Variants in KANSL3 observed in about 807,000 individuals in gnomAD.
The protein encoded by KANSL3 is KAT8 regulatory NSL complex subunit 3.
KANSL3 carries 16 observed loss-of-function variants against 89.2 expected under a neutral mutation model. That is an observed-to-expected ratio of 0.18 (90% confidence interval 0.12 to 0.27). KANSL3 has a LOEUF of 0.27. Ranked by LOEUF, KANSL3 falls within the 10% of genes least tolerant of loss-of-function variation. The pLI is 1.00. For synonymous variants in KANSL3, 385 were observed against 419.7 expected (o/e 0.92, Z 1.01); for missense variants, 879 against 1,110.6 (o/e 0.79, Z 2.96).
chr2:96,610,517 G>A (rs537591847), intron 11 of KANSL3: 17 of 435,560 alleles, frequency 3.9e-5, no homozygotes, highest in Non-Finnish European at 5.5e-5. Context: ...GGGTTTCACC[G>A]TGTTAGCCAG....
chr2:96,622,161 C>A (rs747811410), intron 3 of KANSL3, among the ~76,000 whole-genome samples: 1 of 150,984 alleles, frequency 6.6e-6, no homozygotes, highest in African/African-American at 2.4e-5. Flanking sequence ...AAGTGGCTCA[C>A]GCCTATAATC....
intron 15 of KANSL3, among the ~76,000 whole-genome samples, chr2:96,605,109 T>C (rs535802657): frequency 1.3e-5 from 2 of 152,376 alleles, no homozygotes; most frequent in African/African-American, 2.4e-5. Flanking sequence ...CTTTGAACGA[T>C]GGCACAGCTT....
At chr2:96,584,740 T>C in the KANSL3 span, among the ~76,000 whole-genome samples, 1 of 152,204 alleles carries the variant, frequency 6.6e-6, no homozygotes, top group African/African-American at 2.4e-5. Context: ...TGTATATATA[T>C]ATCCCATTTT....
intron 3 of KANSL3, among the ~76,000 whole-genome samples, chr2:96,625,820 T>C (rs1354262873): frequency 6.6e-6 from 1 of 151,954 alleles, no homozygotes; most frequent in Non-Finnish European, 1.5e-5. Context: ...AGAAAAAAAA[T>C]GATCTAAACC....
chr2:96,628,227 G>A (rs1056895110), intron 3 of KANSL3: 1 of 1,232,244 alleles, frequency 8.1e-7, no homozygotes, highest in Non-Finnish European at 1.0e-6. Context: ...TGTGCCTCCT[G>A]TGTAGACTCT....
In KANSL3 at chr2:96,609,639, T is replaced by C. The variant is rs566692042; in HGVS notation, c.1320-77A>G. The stretch of plus-strand genomic sequence containing the variant: ...CTATGAAAATAAGAACGTATTTCTT[T>C]TCTGGGTTGTTTATTTTCTAGCCCC... On this transcript the variant is annotated intron_variant, in intron 11 of 20. Coordinates refer to ENST00000431828, the MANE Select transcript of KANSL3 (RefSeq NM_001115016.3). The C allele has an allele frequency of 3.1e-5, 42 of 1,370,654 alleles. No homozygotes were observed. In the East Asian group the frequency reaches 8.9e-4, roughly 29 times the overall value. 84.9% of individuals were successfully genotyped at this position (1,370,654 alleles called of 1,614,324 possible). A position where few individuals can be genotyped will look rare whatever the true frequency, so the allele number is the denominator to read the frequency against.
chr2:96,601,482 C>T (rs755460786), intron 20 of KANSL3, 161 bp downstream of exon 20: 8 of 1,380,374 alleles, frequency 5.8e-6, no homozygotes, highest in Middle Eastern at 2.5e-4. Context: ...GTCCATGATT[C>T]GCTCAATATT....
intron 3 of KANSL3, among the ~76,000 whole-genome samples, chr2:96,626,906 T>C (rs536987409): frequency 1.1e-4 from 17 of 152,246 alleles, no homozygotes; most frequent in Non-Finnish European, 1.3e-4. Context: ...TTCAATTTTG[T>C]GGCTTTACTG....
intron 16 of KANSL3, 103 bp downstream of exon 16, chr2:96,604,676 C>T (rs572678875): frequency 3.6e-6 from 4 of 1,103,122 alleles, no homozygotes; most frequent in Non-Finnish European, 5.3e-6. Flanking sequence ...ATTTCCAAAA[C>T]TGACAAGAAT....
At chr2:96,591,565 CAT>C (rs769908786), downstream of KANSL3, among the ~76,000 whole-genome samples, 3 of 152,218 alleles carry the variant, frequency 2.0e-5, no homozygotes, top group Non-Finnish European at 4.4e-5. Flanking sequence ...TAAAAACACA[CAT>C]ATCTAACAGT....
intron 2 of KANSL3, among the ~76,000 whole-genome samples, chr2:96,633,503 A>T (rs1244471268): frequency 6.6e-6 from 1 of 150,594 alleles, no homozygotes; most frequent in African/African-American, 2.4e-5. Flanking sequence ...CGGGAGACGG[A>T]GGTTGCAGTG....
chr2:96,634,153 G>A (rs1405277763), intron 2 of KANSL3: 1 of 152,194 alleles, frequency 6.6e-6, no homozygotes, highest in African/African-American at 2.4e-5. Context: ...ACATACCTTA[G>A]CTACTTAGCT....
At chr2:96,586,385 A>G in the KANSL3 span, among the ~76,000 whole-genome samples, 1 of 152,124 alleles carries the variant, frequency 6.6e-6, no homozygotes, top group Non-Finnish European at 1.5e-5. Flanking sequence ...GTAACCAAAA[A>G]CCACCTCTTC....
intron 14 of KANSL3, chr2:96,607,043 CTG>C: frequency 7.8e-7 from 1 of 1,288,732 alleles, no homozygotes; most frequent in Non-Finnish European, 1.0e-6. Context: ...AAGCAGCAAA[CTG>C]TGCTGGAATG....
intron 3 of KANSL3, among the ~76,000 whole-genome samples, chr2:96,629,099 G>A (rs2072914460): frequency 6.6e-6 from 1 of 152,262 alleles, no homozygotes; most frequent in African/African-American, 2.4e-5. Context: ...TCATTGGGAG[G>A]ATTAAGAGAC....
intron 2 of KANSL3, among the ~76,000 whole-genome samples, chr2:96,632,699 A>G (rs1005271721): frequency 1.3e-5 from 2 of 152,168 alleles, no homozygotes; most frequent in Non-Finnish European, 2.9e-5. Flanking sequence ...ATACTGTTCA[A>G]TACAGTAGGT....
intron 9 of KANSL3, 133 bp from the exon 10 acceptor site, chr2:96,611,271 T>G (rs1305782436): frequency 4.3e-6 from 3 of 705,872 alleles, no homozygotes; most frequent in Non-Finnish European, 7.6e-6. Context: ...TCCGGGTGCA[T>G]CTTCTGCCAC....
chr2:96,617,982 C>CA (rs540064575), intron 5 of KANSL3, among the ~76,000 whole-genome samples: 2,916 of 71,666 alleles, frequency 0.041, 42 homozygotes, highest in Non-Finnish European at 0.049. Context: ...GACTTTGTCT[C>CA]AAAAAAAAAA....
At chr2:96,608,111 T>A (rs1314601669) in intron 14 of KANSL3, among the ~76,000 whole-genome samples, 1 of 152,166 alleles carries the variant, frequency 6.6e-6, no homozygotes, top group Non-Finnish European at 1.5e-5. Flanking sequence ...TCTTAACGCT[T>A]CAAGGGTCAA....
Sources: allele counts gnomAD v4.1 joint callset (sites outside exome capture counted in the v4.1 genomes callset), GRCh38; gene constraint gnomAD v4.1.1; transcripts MANE v1.5; gene names NCBI Gene and HGNC (gene_info 2026-07-23, HGNC 2026-07-21).